FAM107B: variants seen among roughly 807,000 people sequenced by gnomAD.
FAM107B encodes family with sequence similarity 107 member B, also known as protein FAM107B.
In FAM107B, 21 loss-of-function variants were observed where a neutral mutation model predicts 31.5. That is an observed-to-expected ratio of 0.67 (90% confidence interval 0.47 to 0.96). FAM107B has a LOEUF of 0.96. Among genes scored for constraint, FAM107B ranks in the 40% least tolerant of loss-of-function variants. The pLI, the probability that FAM107B is intolerant of heterozygous loss-of-function variation, is 0.00. For missense variants in FAM107B, 452 were observed against 377.1 expected (o/e 1.20, Z -1.64); for synonymous variants, 157 against 141.5 (o/e 1.11, Z -0.78).
intron 2 of FAM107B, among the ~76,000 whole-genome samples, chr10:14,606,615 G>A (rs1198757069): frequency 4.6e-5 from 7 of 152,124 alleles, no homozygotes; most frequent in Non-Finnish European, 8.8e-5. Context: ...GGTCATAAGG[G>A]TGGGACCCTA....
At chr10:14,607,983 C>A (rs954965878) in intron 2 of FAM107B, among the ~76,000 whole-genome samples, 1 of 152,172 alleles carries the variant, frequency 6.6e-6, no homozygotes, top group South Asian at 2.1e-4. Flanking sequence ...CTTGCAAATT[C>A]ATCCCTAAGG....
At chr10:14,707,093 T>A (rs1054305597) in intron 1 of FAM107B, among the ~76,000 whole-genome samples, 1 of 151,684 alleles carries the variant, frequency 6.6e-6, no homozygotes, top group African/African-American at 2.4e-5. Context: ...GCCACTGTAC[T>A]CCAGCCTGGG....
chr10:14,666,305 G>T (rs147113627), intron 2 of FAM107B, among the ~76,000 whole-genome samples: 37 of 152,216 alleles, frequency 2.4e-4, no homozygotes, highest in African/African-American at 8.9e-4. Context: ...CAATCATGGC[G>T]GAAGCAGAAG....
intron 1 of FAM107B, 111 bp downstream of exon 1, chr10:14,774,142 T>C (rs1833366669): frequency 7.4e-7 from 1 of 1,344,234 alleles, no homozygotes; most frequent in South Asian, 1.5e-5. Flanking sequence ...ACGCCCGCAA[T>C]GCCTTATTCA....
At chr10:14,662,540 C>G (rs1206833677) in intron 2 of FAM107B, among the ~76,000 whole-genome samples, 1 of 152,138 alleles carries the variant, frequency 6.6e-6, no homozygotes, top group Non-Finnish European at 1.5e-5. Flanking sequence ...CCATGCCCAG[C>G]TAATTTTTTA....
At chr10:14,637,830 C>A (rs1415454508) in intron 2 of FAM107B, among the ~76,000 whole-genome samples, 4 of 152,076 alleles carry the variant, frequency 2.6e-5, no homozygotes, top group Non-Finnish European at 5.9e-5. Flanking sequence ...AGGAAAAAAA[C>A]AGAAGCTTTC....
At chr10:14,548,838 A>ACACACG (rs1554830522) in intron 2 of FAM107B, among the ~76,000 whole-genome samples, 2 of 151,298 alleles carry the variant, frequency 1.3e-5, no homozygotes, top group South Asian at 2.1e-4. Context: ...ACACACACGC[A>ACACACG]CACACACACC....
chr10:14,524,535 A>G (rs7904796), intron 3 of FAM107B, among the ~76,000 whole-genome samples: 152,315 of 152,324 alleles, frequency 1, 76,153 homozygotes, highest in Non-Finnish European at 1. Context: ...AAACAACAGG[A>G]TAAAAAATAT....
chr10:14,624,661 T>C (rs1242626542), intron 2 of FAM107B, among the ~76,000 whole-genome samples: 1 of 151,854 alleles, frequency 6.6e-6, no homozygotes, highest in East Asian at 1.9e-4. Context: ...GAGGGTCAAC[T>C]CCCAAAGAAC....
chr10:14,523,725 T>G (rs1845912533), intron 3 of FAM107B, among the ~76,000 whole-genome samples: 1 of 152,246 alleles, frequency 6.6e-6, no homozygotes, highest in African/African-American at 2.4e-5. Context: ...CAATCACATC[T>G]GTAAACCAAT....
At chr10:14,641,995 A>C (rs1853639995) in intron 2 of FAM107B, among the ~76,000 whole-genome samples, 1 of 152,224 alleles carries the variant, frequency 6.6e-6, no homozygotes, top group Non-Finnish European at 1.5e-5. Context: ...ATTTATCCTG[A>C]AGCAAAATTC....
intron 3 of FAM107B, among the ~76,000 whole-genome samples, chr10:14,525,184 A>C (rs1846093644): frequency 6.6e-6 from 1 of 152,206 alleles, no homozygotes; most frequent in Non-Finnish European, 1.5e-5. Flanking sequence ...AGTTTCTCCA[A>C]ATGTCATAAT....
Position 14,774,581 on chromosome 10 carries a change from A to G in FAM107B, c.83T>C (p.Leu28Pro), listed in dbSNP as rs746988481. ...CTCCCTCGTATTCCCAAAACAGGCG[A>G]GCAGAGCTGAGCACGGAAATGGATG... ...SMHPFPCSAL[L>P]ACFGNTRESA... Residue 28 changes from leucine to proline, a missense_variant, in exon 1 of 5, where the codon CTC becomes CCC. Physicochemically the swap from Leu to Pro is moderately conservative, Grantham distance 98. Coordinates refer to ENST00000181796, the MANE Select transcript of FAM107B (RefSeq NM_031453.4). The G allele has an allele frequency of 5.0e-6, 8 of 1,614,176 alleles. No homozygotes were observed. In the South Asian group the frequency reaches 8.8e-5, roughly 18 times the overall value.
At chr10:14,741,798 G>A (rs1015149615) in intron 1 of FAM107B, among the ~76,000 whole-genome samples, 1 of 135,912 alleles carries the variant, frequency 7.4e-6, no homozygotes, top group Non-Finnish European at 1.5e-5. Context: ...TCGGCTCACT[G>A]CAAGCTCCGC....
intron 1 of FAM107B, among the ~76,000 whole-genome samples, chr10:14,707,287 G>T (rs542415048): frequency 6.6e-6 from 1 of 152,168 alleles, no homozygotes; most frequent in Non-Finnish European, 1.5e-5. Flanking sequence ...TTCAATCAGT[G>T]CCACCTCCTA....
At chr10:14,572,367 C>A in intron 2 of FAM107B, 1 of 985,390 alleles carries the variant, frequency 1.0e-6, no homozygotes, top group Non-Finnish European at 1.2e-6. Context: ...ACTCACACAA[C>A]CTGACTGCAG....
intron 2 of FAM107B, among the ~76,000 whole-genome samples, chr10:14,586,084 C>A (rs1564587845): frequency 6.6e-6 from 1 of 152,154 alleles, no homozygotes. Flanking sequence ...AACAAAATAC[C>A]TGGGCAAGGG....
At chr10:14,657,666 A>G (rs1177696173) in intron 2 of FAM107B, among the ~76,000 whole-genome samples, 1 of 152,162 alleles carries the variant, frequency 6.6e-6, no homozygotes, top group African/African-American at 2.4e-5. Flanking sequence ...TGAGTTCTAG[A>G]AACATTTTCT....
At chr10:14,669,037 A>G (rs1326938262) in intron 1 of FAM107B, among the ~76,000 whole-genome samples, 1 of 152,160 alleles carries the variant, frequency 6.6e-6, no homozygotes, top group Non-Finnish European at 1.5e-5. Flanking sequence ...CACCTGGATT[A>G]GAACCCACCA....
Sources: allele counts gnomAD v4.1 joint callset (sites outside exome capture counted in the v4.1 genomes callset), GRCh38; gene constraint gnomAD v4.1.1; transcripts MANE v1.5; gene names NCBI Gene and HGNC (gene_info 2026-07-23, HGNC 2026-07-21).